Variants in TBCCD1 observed in about 807,000 individuals in gnomAD.
The protein encoded by TBCCD1 is TBCC domain containing 1.
A neutral mutation model predicts 53.4 loss-of-function variants in TBCCD1; 26 were observed. The observed-to-expected ratio is 0.49, with a 90% CI of 0.36 to 0.68. The LOEUF is 0.68. TBCCD1 is among the 30% of genes least tolerant of loss of function. The pLI is 0.00. For synonymous variants in TBCCD1, 245 were observed against 241.7 expected (o/e 1.01, Z -0.13); for missense variants, 558 against 669.5 (o/e 0.83, Z 1.84).
chr3:186,554,665 A>C lies in TBCCD1; in HGVS notation c.1133T>G (p.Val378Gly). ...TTLHLHSCDNVKVIAVCHRLS... is the reference protein window; with the variant it reads ...TTLHLHSCDNGKVIAVCHRLS... ...ACGATGGCAAACAGCAATGACTTTA[A>C]CATTGTCACAACTGTGGAGGTGAAG... Residue 378 changes from valine to glycine, a missense_variant, in exon 6 of 8, where the codon GTT becomes GGT. Val to Gly is a moderately radical substitution (Grantham distance 109). Transcript: ENST00000338733. 1 of 1,614,232 alleles carries C rather than the reference A, an allele frequency of 6.2e-7. No individual in the cohort carries two copies. Among genetic ancestry groups the C allele is most frequent in the Non-Finnish European group, 8.5e-7 (1 of 1,180,034 alleles).
chr3:186,561,533 TA>T (rs1714689206), intron 2 of TBCCD1, among the ~76,000 whole-genome samples: 1 of 152,218 alleles, frequency 6.6e-6, no homozygotes, highest in Non-Finnish European at 1.5e-5. Flanking sequence ...CTCACGCCTG[TA>T]ATCCCAGCAC....
At chr3:186,568,173 A>G (rs1192560853), upstream of TBCCD1, among the ~76,000 whole-genome samples, 1 of 152,136 alleles carries the variant, frequency 6.6e-6, no homozygotes, top group Non-Finnish European at 1.5e-5. Context: ...TGCACCACTT[A>G]TTAGCTCAGT....
chr3:186,567,256 T>C lies in TBCCD1; in HGVS notation c.-44+11A>G, dbSNP rs1441835648. ...ACACCGCCCTCCCCGGCGCACCCAG[T>C]GCGCGGTTACCTGCTAATGCAGGCG... On this transcript the variant is annotated intron_variant, in intron 1 of 7. Transcript: ENST00000338733. 1.3e-5 allele frequency: 2 copies of C among 152,344 alleles called. No individual in the cohort carries two copies. The highest frequency in any genetic ancestry group is 4.8e-5 in the African/African-American group (2 of 41,456). 9.4% of individuals were successfully genotyped at this position (152,344 alleles called of 1,614,324 possible).
Position 186,556,636 on chromosome 3 carries a change from G to C in TBCCD1, c.632C>G (p.Ala211Gly). 1.2e-6 allele frequency: 2 copies of C among 1,614,124 alleles called. No homozygotes were observed. The highest frequency in any genetic ancestry group is 1.3e-5 in the African/African-American group (1 of 75,020). ...SSLVSREAVV[A>G]LSFLIEGTIS... ...TGTACCTTCAATAAGGAAGCTGAGCGCCACAACAGCTTCTCGAGACACTAG... is the reference window on the plus strand; with the variant it reads ...TGTACCTTCAATAAGGAAGCTGAGCCCCACAACAGCTTCTCGAGACACTAG... Residue 211 changes from alanine to glycine, a missense_variant, in exon 4 of 8, where the codon GCG (alanine) becomes GGG (glycine). By Grantham distance (60) the Ala-to-Gly change is moderately conservative. Coordinates refer to ENST00000338733, the MANE Select transcript of TBCCD1 (RefSeq NM_018138.5).
chr3:186,549,103 C>G (rs1489697245), intron 7 of TBCCD1, among the ~76,000 whole-genome samples: 3 of 148,760 alleles, frequency 2.0e-5, no homozygotes, highest in Non-Finnish European at 4.5e-5. Context: ...CCTGGGCCAT[C>G]ATGGTGAAAC....
upstream of TBCCD1, among the ~76,000 whole-genome samples, chr3:186,569,929 G>C (rs1410378929): frequency 6.6e-6 from 1 of 152,220 alleles, no homozygotes; most frequent in Non-Finnish European, 1.5e-5. Context: ...GGGAATCAAA[G>C]AGTTCTGCTT....
At chr3:186,548,242 A>C (rs534464202) in intron 7 of TBCCD1, among the ~76,000 whole-genome samples, 1 of 152,226 alleles carries the variant, frequency 6.6e-6, no homozygotes, top group African/African-American at 2.4e-5. Flanking sequence ...TGAAAACACT[A>C]CACTAACTGA....
rs1486637075 is a variant in TBCCD1, at chr3:186,564,360, C to T, written c.-31G>A. ...CTCTAAGGACATCAGGGTGAAAAGGCTTCTTTGCATACCTAGGAAACAAAG... is the reference window on the plus strand; with the variant it reads ...CTCTAAGGACATCAGGGTGAAAAGGTTTCTTTGCATACCTAGGAAACAAAG... On this transcript the variant is annotated 5_prime_UTR_variant, in exon 2 of 8. Transcript: ENST00000338733. The T allele has an allele frequency of 6.5e-7, 1 of 1,546,414 alleles. No homozygotes were observed. Among genetic ancestry groups the T allele is most frequent in the Non-Finnish European group, 8.7e-7 (1 of 1,144,428 alleles).
chr3:186,558,015 T>C (rs759286953), intron 3 of TBCCD1, among the ~76,000 whole-genome samples: 7 of 152,238 alleles, frequency 4.6e-5, no homozygotes, highest in Admixed American at 1.3e-4. Flanking sequence ...TTGTCACGTA[T>C]GTAATTACTT....
intron 6 of TBCCD1, among the ~76,000 whole-genome samples, chr3:186,552,738 G>C (rs546282340): frequency 2.0e-5 from 3 of 152,244 alleles, no homozygotes; most frequent in Admixed American, 2.0e-4. Flanking sequence ...TTACTGAGTT[G>C]AAACACAGTT....
At chr3:186,570,495 C>T, upstream of TBCCD1, 1 of 491,408 alleles carries the variant, frequency 2.0e-6, no homozygotes, top group South Asian at 3.6e-5. Context: ...CTACGACTCG[C>T]GGTAGCTCAG....
intron 1 of TBCCD1, among the ~76,000 whole-genome samples, chr3:186,566,577 G>A (rs1714838425): frequency 6.6e-6 from 1 of 152,216 alleles, no homozygotes; most frequent in African/African-American, 2.4e-5. Context: ...CACAGCTCTA[G>A]ATTAGGATTC....
At chr3:186,554,219 A>G (rs1288990249) in intron 6 of TBCCD1, 35 bp downstream of exon 6, 1 of 1,600,850 alleles carries the variant, frequency 6.2e-7, no homozygotes, top group Admixed American at 1.8e-5. Context: ...GAGTTTCACA[A>G]AAAACACAAA....
At chr3:186,547,029 C>T (rs904593932) in intron 7 of TBCCD1, 74 bp from the exon 8 acceptor site, 29 of 151,930 alleles carry the variant, frequency 1.9e-4, no homozygotes, top group African/African-American at 6.8e-4. Context: ...TAAAACTCTA[C>T]GTTTAAAAAA....
chr3:186,558,076 A>T (rs1326624969), intron 3 of TBCCD1, among the ~76,000 whole-genome samples: 3 of 152,194 alleles, frequency 2.0e-5, no homozygotes, highest in African/African-American at 7.2e-5. Flanking sequence ...ATTTCAAAAG[A>T]TTTTGCAAGC....
At chr3:186,563,102 C>T (rs533595044) in intron 2 of TBCCD1, among the ~76,000 whole-genome samples, 22 of 152,230 alleles carry the variant, frequency 1.4e-4, no homozygotes, top group Non-Finnish European at 2.9e-4. Context: ...TTAACAGTGA[C>T]TCCAAGTGAT....
At chr3:186,569,982 G>C (rs1440055515), upstream of TBCCD1, 5 of 595,052 alleles carry the variant, frequency 8.4e-6, no homozygotes, top group East Asian at 8.3e-5. Context: ...CTTACTATAC[G>C]CCCGATGATT....
chr3:186,551,335 T>C (rs1714371244), intron 6 of TBCCD1, 56 bp from the exon 7 acceptor site: 1 of 1,462,822 alleles, frequency 6.8e-7, no homozygotes, highest in Admixed American at 1.9e-5. Flanking sequence ...ATATAAATTG[T>C]ACTCTAAGCA....
upstream of TBCCD1, among the ~76,000 whole-genome samples, chr3:186,569,308 T>TTTATTTATTTATTTACTTA (rs1553849535): frequency 6.6e-6 from 1 of 150,446 alleles, no homozygotes; most frequent in Non-Finnish European, 1.5e-5. Flanking sequence ...GACTTTTATT[T>TTTATTTATTTATTTACTTA]TTTATTTATT....
Sources: allele counts gnomAD v4.1 joint callset (sites outside exome capture counted in the v4.1 genomes callset), GRCh38; gene constraint gnomAD v4.1.1; transcripts MANE v1.5; gene names NCBI Gene and HGNC (gene_info 2026-07-23, HGNC 2026-07-21).